SEC23B: variants seen among roughly 807,000 people sequenced by gnomAD.
SEC23B encodes the protein SEC23 homolog B, COPII component.
SEC23B carries 77 observed loss-of-function variants against 104.3 expected under a neutral mutation model. The ratio of observed to expected loss-of-function variants is 0.74; its 90% CI spans 0.61 to 0.89. The LOEUF is 0.89. Among genes scored for constraint, SEC23B ranks in the 40% least tolerant of loss-of-function variants. The pLI is 0.00. For synonymous variants in SEC23B, 338 were observed against 332.5 expected, an observed-to-expected ratio of 1.02 and a Z score of -0.18; for missense variants, 885 against 949.4, an observed-to-expected ratio of 0.93 and a Z score of 0.89.
At chr20:18,535,893 T>C in intron 12 of SEC23B, 151 bp downstream of exon 12, 1 of 697,052 alleles carries the variant, frequency 1.4e-6, no homozygotes, top group Non-Finnish European at 2.6e-6. Flanking sequence ...CCTTTTCTTA[T>C]TTATTCCTTC....
At position 18,537,303 on chromosome 20, in the gene SEC23B, T is replaced by C. The variant is rs571071368; in HGVS notation, c.1404+1561T>C. Among the ~76,000 whole-genome samples the C allele has an allele frequency of 1.5e-4, 23 of 152,156 alleles. No homozygotes were observed. In the South Asian group the frequency reaches 4.2e-3, roughly 27 times the overall value. ...GACACATGCACACGTATGTTTATTG[T>C]GGCTCTATTCACAATAGTAAAGACT... On this transcript the variant is annotated intron_variant, in intron 12 of 19. Coordinates refer to ENST00000650089, the MANE Select transcript of SEC23B (RefSeq NM_006363.6).
At position 18,525,906 on chromosome 20, in the gene SEC23B, TTG is replaced by T; in HGVS notation, c.810_811del (p.Leu270PhefsTer37). The T allele has an allele frequency of 1.2e-6, 2 of 1,614,224 alleles. No individual in the cohort carries two copies. Among genetic ancestry groups the T allele is most frequent in the Non-Finnish European group, 1.7e-6 (2 of 1,180,024 alleles). ...ACCTTTGCGATCCACTGGTGTGGCT[TTG>T]TCCATTGCTGTTGGCTTGCTGGAGG... is the stretch of plus-strand genomic sequence containing the variant. ...KRPLRSTGVA[L>X]SIAVGLLEGT... On this transcript the variant is annotated frameshift_variant, in exon 7 of 20. Coordinates refer to ENST00000650089, the MANE Select transcript of SEC23B (RefSeq NM_006363.6). LOFTEE classifies it high-confidence loss of function.
intron 16 of SEC23B, among the ~76,000 whole-genome samples, chr20:18,550,185 G>T (rs1268004475): frequency 6.9e-6 from 1 of 145,660 alleles, no homozygotes; most frequent in Non-Finnish European, 1.5e-5. Context: ...TTGAGATGGG[G>T]TGTCTGTCAC....
At chr20:18,529,948 A>T (rs1306364183) in intron 9 of SEC23B, among the ~76,000 whole-genome samples, 1 of 152,238 alleles carries the variant, frequency 6.6e-6, no homozygotes, top group African/African-American at 2.4e-5. Context: ...GTCCAAATGC[A>T]TGAAATGCTG....
At chr20:18,516,753 C>A (rs962425168) in intron 4 of SEC23B, among the ~76,000 whole-genome samples, 4 of 151,874 alleles carry the variant, frequency 2.6e-5, no homozygotes, top group African/African-American at 7.3e-5. Context: ...CGGGGTTTCA[C>A]CATGTTAGCC....
At chr20:18,546,696 A>C (rs946754364) in intron 15 of SEC23B, among the ~76,000 whole-genome samples, 1 of 152,208 alleles carries the variant, frequency 6.6e-6, no homozygotes, top group Non-Finnish European at 1.5e-5. Context: ...ACCTAGCTCC[A>C]TAGCAGGTGC....
chr20:18,532,858 G>A (rs1568611364), intron 11 of SEC23B, 114 bp downstream of exon 11: 1 of 777,678 alleles, frequency 1.3e-6, no homozygotes, highest in Non-Finnish European at 2.3e-6. Flanking sequence ...GCAGTGACAG[G>A]AGAAGGGCTA....
rs113939304 is a variant in SEC23B at position 18,537,390 on chromosome 20, C to T, written c.1404+1648C>T. 8.0e-3 allele frequency among the ~76,000 whole-genome samples: 1,209 copies of T among 151,828 alleles called. 8 individuals carry two copies. The highest frequency in any genetic ancestry group is 0.014 in the Middle Eastern group (4 of 294). On this transcript the variant is annotated intron_variant, in intron 12 of 19. Transcript: ENST00000650089. Reference sequence around the variant, plus strand: ...ATTAAGAAAATGTGGCACATATACACCATGGAATACTATGCAGCCATAAAA... The same window carrying T: ...ATTAAGAAAATGTGGCACATATACATCATGGAATACTATGCAGCCATAAAA...
chr20:18,518,582 G>GTTTTTCT (rs1555787278), intron 4 of SEC23B, among the ~76,000 whole-genome samples: 1 of 92,658 alleles, frequency 1.1e-5, no homozygotes, highest in Non-Finnish European at 2.0e-5. Flanking sequence ...CTGGAAGGAG[G>GTTTTTCT]TTTTTTTTTT....
intron 4 of SEC23B, 84 bp from the exon 5 acceptor site, chr20:18,524,349 A>G: frequency 1.0e-6 from 1 of 966,130 alleles, no homozygotes; most frequent in Non-Finnish European, 1.7e-6. Context: ...GAAGACTTAC[A>G]ATTTTCATAC....
chr20:18,556,215 T>G (rs2060436967), intron 19 of SEC23B, among the ~76,000 whole-genome samples: 1 of 152,168 alleles, frequency 6.6e-6, no homozygotes, highest in Non-Finnish European at 1.5e-5. Flanking sequence ...TGTGGCCTGG[T>G]TCCTAACAGG....
intron 13 of SEC23B, 66 bp downstream of exon 13, chr20:18,542,468 T>A: frequency 7.4e-7 from 1 of 1,346,846 alleles, no homozygotes; most frequent in Non-Finnish European, 1.1e-6. Flanking sequence ...AGAGATACTT[T>A]AACATTTGTT....
chr20:18,540,683 T>C (rs2060279477), intron 12 of SEC23B, among the ~76,000 whole-genome samples: 1 of 152,106 alleles, frequency 6.6e-6, no homozygotes, highest in Admixed American at 6.6e-5. Flanking sequence ...CTGTGAGGCC[T>C]CATCTCTACC....
At chr20:18,526,091 GCCCCTCAA>G (rs1022714607) in intron 7 of SEC23B, among the ~76,000 whole-genome samples, 159 bp downstream of exon 7, 10 of 152,302 alleles carry the variant, frequency 6.6e-5, no homozygotes, top group Non-Finnish European at 1.5e-4. Flanking sequence ...CGTTGAGGGA[GCCCCTCAA>G]CATTTTGAAA....
chr20:18,531,536 GC>G (rs1177641741), intron 10 of SEC23B, among the ~76,000 whole-genome samples: 1 of 151,226 alleles, frequency 6.6e-6, no homozygotes, highest in African/African-American at 2.4e-5. Flanking sequence ...CATGCCTGTA[GC>G]CCCAGCTACT....
chr20:18,513,719 A>G (rs1247326886), intron 3 of SEC23B, among the ~76,000 whole-genome samples: 2 of 152,260 alleles, frequency 1.3e-5, no homozygotes, highest in African/African-American at 4.8e-5. Context: ...GAGATTCAGA[A>G]GTATATAGAA....
In SEC23B at chr20:18,530,727, A is replaced by G; in HGVS notation, c.1157A>G (p.Gln386Arg). ...GDSFNTSLFK[Q>R]TFQRIFTKDF... is the part of the protein sequence containing the mutation. ...TCTTTCAACACTTCTCTCTTCAAGC[A>G]GACATTCCAAAGAATCTTTACTAAA... The change falls in exon 10 of 20, where the codon CAG (glutamine) becomes CGG (arginine). Residue 386 changes from glutamine to arginine, a missense_variant. Gln to Arg is a conservative substitution (Grantham distance 43). Coordinates refer to ENST00000650089, the MANE Select transcript of SEC23B (RefSeq NM_006363.6). 6.2e-7 allele frequency: 1 copy of G among 1,613,206 alleles called. No homozygotes were observed.
chr20:18,517,514 G>A (rs1188039084), intron 4 of SEC23B, among the ~76,000 whole-genome samples: 1 of 152,160 alleles, frequency 6.6e-6, no homozygotes, highest in Admixed American at 6.5e-5. Context: ...CAGGTCATAG[G>A]GGATATGATG....
At chr20:18,543,798 C>T (rs1443719793) in intron 14 of SEC23B, among the ~76,000 whole-genome samples, 2 of 152,182 alleles carry the variant, frequency 1.3e-5, no homozygotes, top group Non-Finnish European at 2.9e-5. Context: ...GGTGCTGTGC[C>T]AGGGGAACTT....
Sources: gnomAD v4.1 joint callset for allele counts (sites outside exome capture counted in the v4.1 genomes callset) on GRCh38, gnomAD v4.1.1 for gene constraint, MANE v1.5 for transcripts, NCBI Gene and HGNC (gene_info 2026-07-23, HGNC 2026-07-21) for gene names.